TAOK1: variants seen among roughly 807,000 people sequenced by gnomAD.
TAOK1 encodes serine/threonine-protein kinase TAO1.
Under a neutral mutation model 138.3 loss-of-function variants are expected in TAOK1, and 21 were observed. That is an observed-to-expected ratio of 0.15 (90% confidence interval 0.11 to 0.22). TAOK1 has a LOEUF of 0.22. Ranked by LOEUF, TAOK1 falls within the 10% of genes least tolerant of loss-of-function variation. The probability of loss-of-function intolerance (pLI) is 1.00; values close to 1 mark genes in which losing one functional copy is unlikely to be tolerated. For missense variants in TAOK1, 651 were observed against 1,227.7 expected, an observed-to-expected ratio of 0.53 and a Z score of 7.02; for synonymous variants, 361 against 398.4, an observed-to-expected ratio of 0.91 and a Z score of 1.12.
rs928946598 is a variant in TAOK1, at chr17:29,432,046, C to T, written c.-94-19409C>T. Among the ~76,000 whole-genome samples, 6 of 152,002 alleles carry T rather than the reference C, an allele frequency of 3.9e-5. No individual in the cohort carries two copies. The South Asian group carries it at 1.0e-3, about 26-fold the overall frequency. The stretch of plus-strand genomic sequence containing the variant: ...CGGAGACCAGCTCGGTTGTGGAGAT[C>T]CTAACCCAGCGTTGCTAGAGGAATT... On this transcript the variant is annotated intron_variant, in intron 1 of 19. Transcript: ENST00000261716.
chr17:29,445,990 T>C (rs2030066736), intron 1 of TAOK1, among the ~76,000 whole-genome samples: 1 of 152,202 alleles, frequency 6.6e-6, no homozygotes, highest in African/African-American at 2.4e-5. Context: ...AGTGACTTTT[T>C]GGTAGTTTAT....
In TAOK1 at chr17:29,508,145, G is replaced by A; in HGVS notation, c.1575+13G>A. ...CATGGAGAAAGAGGTGGCTTATTCA[G>A]TATTATTACTTTGCTTATTTTAGGT... On this transcript the variant is annotated intron_variant, in intron 14 of 19. Coordinates refer to ENST00000261716, the MANE Select transcript of TAOK1 (RefSeq NM_020791.4). 1.2e-6 allele frequency: 2 copies of A among 1,603,276 alleles called. No homozygotes were observed. Among genetic ancestry groups the A allele is most frequent in the Middle Eastern group, 1.7e-4 (1 of 6,044 alleles).
chr17:29,395,161 T>A (rs1904556417), intron 1 of TAOK1, among the ~76,000 whole-genome samples: 1 of 152,098 alleles, frequency 6.6e-6, no homozygotes, highest in Admixed American at 6.6e-5. Context: ...GGAGGATTGC[T>A]TGAGCCCAGA....
chr17:29,409,331 A>G (rs200575524), intron 1 of TAOK1, among the ~76,000 whole-genome samples: 1 of 60,300 alleles, frequency 1.7e-5, no homozygotes, highest in Non-Finnish European at 3.3e-5. Context: ...ATATATATAT[A>G]TATTTTTTTT....
At chr17:29,458,347 T>A (rs960700454) in intron 2 of TAOK1, among the ~76,000 whole-genome samples, 7 of 152,246 alleles carry the variant, frequency 4.6e-5, no homozygotes, top group African/African-American at 1.4e-4. Context: ...TTCCCAGATG[T>A]TTTTATCAAG....
At chr17:29,518,635 G>A (rs1212926826) in intron 16 of TAOK1, among the ~76,000 whole-genome samples, 1 of 152,128 alleles carries the variant, frequency 6.6e-6, no homozygotes, top group Non-Finnish European at 1.5e-5. Context: ...ATGAAATCAC[G>A]GAATTGATGC....
chr17:29,431,466 C>T (rs1905829150), intron 1 of TAOK1, among the ~76,000 whole-genome samples: 1 of 151,738 alleles, frequency 6.6e-6, no homozygotes, highest in Admixed American at 6.6e-5. Context: ...AAAAAAAAAC[C>T]TTAGGTTTTT....
chr17:29,475,342 C>A (rs2030921955), intron 3 of TAOK1, among the ~76,000 whole-genome samples: 1 of 152,070 alleles, frequency 6.6e-6, no homozygotes, highest in Admixed American at 6.6e-5. Context: ...GAGTTTGAGA[C>A]CAGTCTGAGC....
At chr17:29,465,268 C>G (rs2030634751) in intron 2 of TAOK1, among the ~76,000 whole-genome samples, 1 of 150,306 alleles carries the variant, frequency 6.7e-6, no homozygotes, top group African/African-American at 2.5e-5. Flanking sequence ...ATTCTCCTGC[C>G]TCAGCCTCCT....
chr17:29,400,409 C>A lies in TAOK1; in HGVS notation c.-95+9385C>A, dbSNP rs1044619119. On this transcript the variant is annotated intron_variant, in intron 1 of 19. Coordinates refer to ENST00000261716, the MANE Select transcript of TAOK1 (RefSeq NM_020791.4). ...CCGTCTCAAAAAAAAAAAAAAAAAA[C>A]AACAAATGACATTTCTTTTCCAGTA... Among the ~76,000 whole-genome samples the A allele has an allele frequency of 5.1e-4, 67 of 131,780 alleles. 1 individual carries two copies. The highest frequency in any genetic ancestry group is 7.5e-4 in the South Asian group (3 of 3,996). 86.5% of individuals were successfully genotyped at this position (131,780 alleles called of 152,430 possible).
intron 1 of TAOK1, among the ~76,000 whole-genome samples, chr17:29,429,090 C>G (rs1567715893): frequency 6.6e-6 from 1 of 151,830 alleles, no homozygotes; most frequent in East Asian, 1.9e-4. Flanking sequence ...TCTCTGTATA[C>G]TTGGTTTTAG....
Sources: allele counts gnomAD v4.1 joint callset (sites outside exome capture counted in the v4.1 genomes callset), GRCh38; gene constraint gnomAD v4.1.1; transcripts MANE v1.5; gene names NCBI Gene and HGNC (gene_info 2026-07-23, HGNC 2026-07-21).